DGKB: variants seen among roughly 807,000 people sequenced by gnomAD.
The protein encoded by DGKB is diacylglycerol kinase beta, also known as 90 kDa diacylglycerol kinase.
In DGKB, 67 loss-of-function variants were observed where a neutral mutation model predicts 114.3. That is an observed-to-expected ratio of 0.59 (90% CI 0.48 to 0.72). The LOEUF (loss-of-function observed/expected upper bound fraction) is 0.72. Ranked by LOEUF, DGKB falls within the 30% of genes least tolerant of loss-of-function variation. The pLI is 0.00. For missense variants in DGKB, 907 were observed against 975.2 expected, an observed-to-expected ratio of 0.93 and a Z score of 0.93; for synonymous variants, 398 against 323.1, an observed-to-expected ratio of 1.23 and a Z score of -2.49.
chr7:14,843,943 G>A (rs575833765), intron 1 of DGKB, among the ~76,000 whole-genome samples: 1 of 152,240 alleles, frequency 6.6e-6, no homozygotes, highest in Non-Finnish European at 1.5e-5. Context: ...CTGTGAGGTA[G>A]GTGCTAATAG....
chr7:14,765,597 A>G (rs556038296), intron 2 of DGKB, among the ~76,000 whole-genome samples: 213 of 152,052 alleles, frequency 1.4e-3, no homozygotes, highest in African/African-American at 5.0e-3. Flanking sequence ...CCTTGCACAA[A>G]ATATTTGTAA....
chr7:14,228,648 A>T (rs1172713711), intron 23 of DGKB, among the ~76,000 whole-genome samples: 6 of 152,024 alleles, frequency 3.9e-5, no homozygotes. Context: ...AAACTAATGG[A>T]TGTGAGCAAA....
intron 1 of DGKB, among the ~76,000 whole-genome samples, chr7:14,927,237 G>A (rs1342029848): frequency 6.6e-6 from 1 of 151,914 alleles, no homozygotes; most frequent in East Asian, 1.9e-4. Flanking sequence ...CATTAGAATG[G>A]TCTCCTTAAC....
At chr7:14,654,459 A>T (rs1242144171) in intron 13 of DGKB, among the ~76,000 whole-genome samples, 4 of 152,168 alleles carry the variant, frequency 2.6e-5, no homozygotes, top group African/African-American at 9.6e-5. Context: ...ATGACCATAC[A>T]ACCCAAAGCA....
chr7:14,151,814 C>G (rs1307610922), intron 25 of DGKB, among the ~76,000 whole-genome samples: 1 of 152,084 alleles, frequency 6.6e-6, no homozygotes, highest in Non-Finnish European at 1.5e-5. Flanking sequence ...AGGAAACTAG[C>G]ATTCAGTAAA....
chr7:14,401,435 T>G (rs560225730), intron 21 of DGKB, among the ~76,000 whole-genome samples: 24 of 152,026 alleles, frequency 1.6e-4, no homozygotes, highest in Non-Finnish European at 3.2e-4. Flanking sequence ...GTGCACTGCT[T>G]GGCATGCATT....
In DGKB at chr7:14,437,889, A is replaced by G. The variant is rs116132956; in HGVS notation, c.1835+40272T>C. On this transcript the variant is annotated intron_variant, in intron 21 of 25. Coordinates refer to ENST00000402815, the MANE Select transcript of DGKB (RefSeq NM_001350709.2). ...ACTTATTGGTCTTTACATAACTGAA[A>G]AACACGTCAAAGAAATAGAAGCTCA... Among the ~76,000 whole-genome samples the G allele has an allele frequency of 3.4e-3, 518 of 151,632 alleles. 2 individuals carry two copies. Among genetic ancestry groups the G allele is most frequent in the African/African-American group, 0.012 (508 of 41,304 alleles).
At chr7:14,249,986 G>C (rs947107471) in intron 23 of DGKB, among the ~76,000 whole-genome samples, 1 of 151,348 alleles carries the variant, frequency 6.6e-6, no homozygotes, top group Non-Finnish European at 1.5e-5. Context: ...AGAGAGTCTT[G>C]TTACATTACC....
chr7:14,332,993 T>C (rs1422665338), intron 23 of DGKB, among the ~76,000 whole-genome samples: 1 of 152,216 alleles, frequency 6.6e-6, no homozygotes, highest in Non-Finnish European at 1.5e-5. Flanking sequence ...TGAAACTCCA[T>C]AATTTGAATA....
intron 2 of DGKB, among the ~76,000 whole-genome samples, chr7:14,784,359 A>C (rs1379440458): frequency 6.7e-6 from 1 of 149,652 alleles, no homozygotes; most frequent in Non-Finnish European, 1.5e-5. Flanking sequence ...ATCCGTCCAA[A>C]TTATATGCTT....
intron 21 of DGKB, among the ~76,000 whole-genome samples, chr7:14,415,321 C>A (rs1034554665): frequency 2.2e-4 from 34 of 151,802 alleles, no homozygotes; most frequent in Non-Finnish European, 4.3e-4. Context: ...GCACAACGTG[C>A]AGGTTTGTTA....
intron 1 of DGKB, among the ~76,000 whole-genome samples, chr7:14,855,333 A>C (rs1009307967): frequency 6.6e-6 from 1 of 152,178 alleles, no homozygotes; most frequent in Admixed American, 6.5e-5. Flanking sequence ...TCAGAGACAA[A>C]ATATATATCC....
At chr7:14,506,933 A>AT (rs1420445868) in intron 20 of DGKB, among the ~76,000 whole-genome samples, 3 of 152,150 alleles carry the variant, frequency 2.0e-5, no homozygotes, top group Non-Finnish European at 4.4e-5. Context: ...CAAGAGTTCC[A>AT]TTTTTTGCCC....
intron 1 of DGKB, among the ~76,000 whole-genome samples, chr7:14,920,724 T>G (rs1369795990): frequency 6.6e-6 from 1 of 152,112 alleles, no homozygotes; most frequent in Non-Finnish European, 1.5e-5. Context: ...TATACATAAT[T>G]GCAAAAAACT....
chr7:14,642,739 AACTT>A, intron 13 of DGKB, among the ~76,000 whole-genome samples: 1 of 152,338 alleles, frequency 6.6e-6, no homozygotes, highest in Non-Finnish European at 1.5e-5. Context: ...TTTTGGCACA[AACTT>A]ACTACATTTT....
At chr7:14,284,872 G>C (rs891141956) in intron 23 of DGKB, among the ~76,000 whole-genome samples, 1 of 105,092 alleles carries the variant, frequency 9.5e-6, no homozygotes, top group Admixed American at 1.3e-4. Context: ...GGGGTGGGGG[G>C]AGGGGGGAGG....
chr7:14,830,670 CAAAAAGCAA>C (rs1415081595), intron 2 of DGKB, among the ~76,000 whole-genome samples: 1 of 151,998 alleles, frequency 6.6e-6, no homozygotes, highest in African/African-American at 2.4e-5. Flanking sequence ...TGCAGTCACT[CAAAAAGCAA>C]CACAGCCTGC....
chr7:14,664,795 A>G (rs189853191), intron 13 of DGKB, among the ~76,000 whole-genome samples: 4 of 152,078 alleles, frequency 2.6e-5, no homozygotes, highest in Admixed American at 2.0e-4. Context: ...TGGATGCTTC[A>G]TCTAATTTAC....
At chr7:14,972,279 A>C in intron 1 of DGKB, among the ~76,000 whole-genome samples, 1 of 152,286 alleles carries the variant, frequency 6.6e-6, no homozygotes, top group Non-Finnish European at 1.5e-5. Context: ...TCTAAATTTT[A>C]GAATTCCTCA....
Sources: allele counts gnomAD v4.1 joint callset (sites outside exome capture counted in the v4.1 genomes callset), GRCh38; gene constraint gnomAD v4.1.1; transcripts MANE v1.5; gene names NCBI Gene and HGNC (gene_info 2026-07-23, HGNC 2026-07-21).